Variants in PDE4D observed in about 807,000 individuals in gnomAD.
PDE4D encodes the protein 3',5'-cyclic-AMP phosphodiesterase 4D.
In PDE4D, 24 loss-of-function variants were observed where a neutral mutation model predicts 87.4. That is an observed-to-expected ratio of 0.27 (90% CI 0.20 to 0.39). The LOEUF (loss-of-function observed/expected upper bound fraction) is 0.39. Among genes scored for constraint, PDE4D ranks in the 10% least tolerant of loss-of-function variants. The pLI is 1.00. For missense variants in PDE4D, 714 were observed against 1,041.0 expected (o/e 0.69, Z 4.32); for synonymous variants, 384 against 383.2 (o/e 1.00, Z -0.02).
chr5:59,959,464 T>C (rs2152809333), intron 3 of PDE4D, among the ~76,000 whole-genome samples: 1 of 152,216 alleles, frequency 6.6e-6, no homozygotes, highest in African/African-American at 2.4e-5. Flanking sequence ...CAAATTATAC[T>C]GCAAAACTAC....
At chr5:59,517,377 C>T (rs906487197) in intron 1 of PDE4D, among the ~76,000 whole-genome samples, 21 of 152,178 alleles carry the variant, frequency 1.4e-4, no homozygotes, top group African/African-American at 4.3e-4. Context: ...TCAAGAATGG[C>T]AGGTCAAATT....
At chr5:59,906,118 G>A (rs1477089355) in intron 3 of PDE4D, among the ~76,000 whole-genome samples, 1 of 152,116 alleles carries the variant, frequency 6.6e-6, no homozygotes, top group Non-Finnish European at 1.5e-5. Flanking sequence ...GCCTTTTTAT[G>A]AAGAAGGTAT....
chr5:59,563,267 A>C (rs777602679), intron 1 of PDE4D, among the ~76,000 whole-genome samples: 4 of 152,240 alleles, frequency 2.6e-5, no homozygotes, highest in Non-Finnish European at 5.9e-5. Flanking sequence ...TTTCAGCATC[A>C]AAGGAATTTG....
chr5:60,291,632 ACTAGTAATCC>A (rs2149773012), intron 1 of PDE4D, among the ~76,000 whole-genome samples: 1 of 152,180 alleles, frequency 6.6e-6, no homozygotes, highest in East Asian at 1.9e-4. Flanking sequence ...TTTCAAACTC[ACTAGTAATCC>A]AAAAGATACA....
At chr5:59,211,352 T>C (rs1750034598) in intron 2 of PDE4D, among the ~76,000 whole-genome samples, 1 of 152,196 alleles carries the variant, frequency 6.6e-6, no homozygotes, top group Non-Finnish European at 1.5e-5. Flanking sequence ...AGATTCTGAA[T>C]TTAGCCTAGT....
At chr5:60,128,926 C>G (rs1262295491) in intron 2 of PDE4D, among the ~76,000 whole-genome samples, 1 of 152,196 alleles carries the variant, frequency 6.6e-6, no homozygotes, top group African/African-American at 2.4e-5. Context: ...GTTTTCCTGT[C>G]AAACAGTATA....
intron 1 of PDE4D, among the ~76,000 whole-genome samples, chr5:59,324,355 C>G (rs1009221177): frequency 1.3e-5 from 2 of 152,280 alleles, no homozygotes; most frequent in African/African-American, 4.8e-5. Flanking sequence ...ACCCTTGCAG[C>G]CACATACTTA....
At chr5:60,073,666 G>T (rs1772978011) in intron 2 of PDE4D, among the ~76,000 whole-genome samples, 1 of 151,680 alleles carries the variant, frequency 6.6e-6, no homozygotes, top group Non-Finnish European at 1.5e-5. Context: ...TTGTTTGGTA[G>T]GCTATTTACT....
chr5:60,063,099 A>G (rs77788342), intron 2 of PDE4D, among the ~76,000 whole-genome samples: 3,007 of 37,282 alleles, frequency 0.081, 35 homozygotes, highest in African/African-American at 0.11. Flanking sequence ...AAGAAAGAAG[A>G]AAGAAAGAAA....
intron 2 of PDE4D, chr5:60,021,266 GTCAC>G (rs1766036561): frequency 6.6e-6 from 1 of 151,916 alleles, no homozygotes; most frequent in Admixed American, 6.5e-5. Context: ...GTGGCACCAA[GTCAC>G]TCAATGACAT....
upstream of PDE4D, among the ~76,000 whole-genome samples, chr5:59,894,786 C>T (rs1258818737): frequency 1.3e-5 from 2 of 152,182 alleles, no homozygotes; most frequent in Non-Finnish European, 2.9e-5. Context: ...CTATGAGGCA[C>T]TAGAATCCAA....
At position 59,277,601 on chromosome 5, in the gene PDE4D, C is replaced by T. The variant is rs529578893; in HGVS notation, c.456-61633G>A. Among the ~76,000 whole-genome samples the T allele has an allele frequency of 1.1e-4, 16 of 152,244 alleles. No individual in the cohort carries two copies. In the South Asian group the frequency reaches 2.3e-3, roughly 22 times the overall value. On this transcript the variant is annotated intron_variant, in intron 1 of 14. Coordinates refer to ENST00000340635, the MANE Select transcript of PDE4D (RefSeq NM_001104631.2). ...ACTACTATTTATTTGAAACACTGTTCCCTCCATGTAAGGTCTACCAAATAG... is the reference window on the plus strand; with the variant it reads ...ACTACTATTTATTTGAAACACTGTTTCCTCCATGTAAGGTCTACCAAATAG...
chr5:60,198,155 T>C (rs1211013104), intron 1 of PDE4D, among the ~76,000 whole-genome samples: 2 of 151,500 alleles, frequency 1.3e-5, no homozygotes, highest in African/African-American at 4.8e-5. Flanking sequence ...AATATTTTTC[T>C]GCCATTAGAG....
At chr5:59,703,362 A>G (rs1752891247) in intron 1 of PDE4D, among the ~76,000 whole-genome samples, 1 of 152,182 alleles carries the variant, frequency 6.6e-6, no homozygotes, top group East Asian at 1.9e-4. Context: ...TATTATTCAT[A>G]TCCTTGGTGA....
rs1389159603 is a variant in PDE4D at position 59,072,829 on chromosome 5, T to C, written c.809-33858A>G. On this transcript the variant is annotated intron_variant, in intron 5 of 14. Transcript: ENST00000340635. ...ATTGAAACAGTATTTTCCTTACTTA[T>C]TTGCATAAGCTCTTTCTTTGTTAGT... 2.6e-5 allele frequency among the ~76,000 whole-genome samples: 4 copies of C among 152,210 alleles called. 1 individual carries two copies. The East Asian group carries it at 7.7e-4, about 29-fold the overall frequency.
chr5:59,283,188 TA>T (rs996067521), intron 1 of PDE4D, among the ~76,000 whole-genome samples: 1 of 152,142 alleles, frequency 6.6e-6, no homozygotes, highest in Non-Finnish European at 1.5e-5. Context: ...TATCTGCTAT[TA>T]AAAATAAGTT....
At chr5:59,496,591 A>G (rs574005478) in intron 1 of PDE4D, among the ~76,000 whole-genome samples, 2 of 152,290 alleles carry the variant, frequency 1.3e-5, no homozygotes, top group Admixed American at 6.5e-5. Flanking sequence ...CCACTCCCCT[A>G]GAAATCTAGC....
Position 60,084,497 on chromosome 5 carries a change from GA to G in PDE4D, c.43-95781del, listed in dbSNP as rs111964867. On this transcript the variant is annotated intron_variant, in intron 2 of 16. Transcript: ENST00000502484. ...GCAAAAGTGATTGGTCTTCTTTCCA[GA>G]AAAAAAAAAATCTGCATATACCACT... Among the ~76,000 whole-genome samples, 1,212 of 145,396 alleles carry G rather than the reference GA, an allele frequency of 8.3e-3. 13 individuals carry two copies. Among genetic ancestry groups the G allele is most frequent in the African/African-American group, 0.028 (1,120 of 39,880 alleles).
intron 1 of PDE4D, among the ~76,000 whole-genome samples, chr5:59,550,594 T>G (rs146561961): frequency 9.2e-5 from 14 of 152,322 alleles, no homozygotes; most frequent in African/African-American, 2.9e-4. Context: ...TAATTTGTAT[T>G]TCTTTAAAGT....
Sources: allele counts gnomAD v4.1 joint callset (sites outside exome capture counted in the v4.1 genomes callset), GRCh38; gene constraint gnomAD v4.1.1; transcripts MANE v1.5; gene names NCBI Gene and HGNC (gene_info 2026-07-23, HGNC 2026-07-21).